Variants in TOP1MT observed in about 807,000 individuals in gnomAD.
The protein encoded by TOP1MT is DNA topoisomerase I mitochondrial.
A neutral mutation model predicts 73.9 loss-of-function variants in TOP1MT; 80 were observed. That is an observed-to-expected ratio of 1.08 (90% CI 0.90 to 1.30). TOP1MT has a LOEUF of 1.30. Ranked by LOEUF, TOP1MT falls within the 50% of genes most tolerant of loss-of-function variation. The probability of loss-of-function intolerance (pLI) is 0.00; values close to 1 mark genes in which losing one functional copy is unlikely to be tolerated. For missense variants in TOP1MT, 815 were observed against 808.0 expected (o/e 1.01, Z -0.10); for synonymous variants, 338 against 326.4 (o/e 1.04, Z -0.38).
At chr8:143,326,376 T>C in intron 3 of TOP1MT, 32 bp from the exon 4 acceptor site, 4 of 1,613,262 alleles carry the variant, frequency 2.5e-6, no homozygotes, top group Non-Finnish European at 2.5e-6. Flanking sequence ...GCTCTCACCA[T>C]GTCTGAAGGA....
At chr8:143,311,548 C>A (rs1816014748) in intron 12 of TOP1MT, among the ~76,000 whole-genome samples, 2 of 152,100 alleles carry the variant, frequency 1.3e-5, no homozygotes, top group Admixed American at 6.5e-5. Context: ...GAGATTGAGA[C>A]CATCCTGGCT....
chr8:143,323,877 C>T, intron 7 of TOP1MT, 122 bp downstream of exon 7: 1 of 1,085,362 alleles, frequency 9.2e-7, no homozygotes, highest in Non-Finnish European at 1.3e-6. Context: ...ACACACCCCC[C>T]CCATCAGAAT....
rs1228197403 is a variant in TOP1MT, at chr8:143,324,517, A to AGT, written c.783_784insAC (p.Tyr262ThrfsTer5). The AGT allele has an allele frequency of 6.2e-7, 1 of 1,613,948 alleles. No homozygotes were observed. Among genetic ancestry groups the AGT allele is most frequent in the Admixed American group, 1.7e-5 (1 of 60,028 alleles). Reference sequence around the variant, plus strand: ...TTCGAGCAAGGGTTCAGCATGATGTACTTGATGGAGTTCTGAACGCTCTCG... The same window carrying AGT: ...TTCGAGCAAGGGTTCAGCATGATGTAGTCTTGATGGAGTTCTGAACGCTCTCG... On this transcript the variant is annotated frameshift_variant, in exon 6 of 14. Transcript: ENST00000329245. LOFTEE classifies it high-confidence loss of function.
rs1416791620 is a variant in TOP1MT, at chr8:143,344,772, G to A, written c.-39+144C>T. Reference sequence around the variant, plus strand: ...AGGCTCCATGTTGTCCGTAAGTCCAGGGCCCAGCACCTAAGGGTGATTAAC... The same window carrying A: ...AGGCTCCATGTTGTCCGTAAGTCCAAGGCCCAGCACCTAAGGGTGATTAAC... On this transcript the variant is annotated intron_variant, in intron 1 of 5. Coordinates refer to the TOP1MT transcript ENST00000518007. The surrounding 1 kb of genome is among the most constrained non-coding windows in gnomAD (Gnocchi z 4.6). The A allele has an allele frequency of 2.6e-5, 4 of 152,456 alleles. No individual in the cohort carries two copies. Among genetic ancestry groups the A allele is most frequent in the Non-Finnish European group, 4.4e-5 (3 of 68,258 alleles). The allele number at this position is 152,456 out of a possible 1,614,324, so 9.4% of individuals were successfully genotyped here.
chr8:143,357,954 A>G (rs1308036963), upstream of TOP1MT, among the ~76,000 whole-genome samples: 4 of 151,656 alleles, frequency 2.6e-5, no homozygotes, highest in Non-Finnish European at 4.4e-5. Context: ...TGGGCATGGT[A>G]GCACACGCCT....
chr8:143,317,165 C>T (rs1816189002), intron 10 of TOP1MT, among the ~76,000 whole-genome samples: 3 of 152,236 alleles, frequency 2.0e-5, no homozygotes, highest in Admixed American at 2.0e-4. Context: ...ACAGTCTGTG[C>T]GTCCAATCTG....
Position 143,324,003 on chromosome 8 carries a change from TC to T in TOP1MT, c.955del (p.Asp319IlefsTer5). On this transcript the variant is annotated frameshift_variant, in exon 7 of 14. Transcript: ENST00000329245. LOFTEE classifies it high-confidence loss of function. ...GGAAGCGAGAAGGCCGCATACCTTA[TC>T]GATGAAATACAGGGCCACCGCCCGC... ...RQRAVALYFI[D>X]KLALRAGNEK... 6.2e-7 allele frequency: 1 copy of T among 1,613,622 alleles called. No individual in the cohort carries two copies. The highest frequency in any genetic ancestry group is 1.1e-5 in the South Asian group (1 of 91,076).
chr8:143,330,802 C>A (rs887066078), intron 2 of TOP1MT, among the ~76,000 whole-genome samples: 1 of 152,154 alleles, frequency 6.6e-6, no homozygotes, highest in Non-Finnish European at 1.5e-5. Context: ...GGTGGCTCAG[C>A]GCTCATGTCA....
chr8:143,339,317 T>C (rs998625541), upstream of TOP1MT, among the ~76,000 whole-genome samples: 10 of 152,250 alleles, frequency 6.6e-5, no homozygotes, highest in African/African-American at 1.7e-4. Context: ...CAGGCGTGCG[T>C]ATCACACCCC....
chr8:143,316,058 T>C lies in TOP1MT; in HGVS notation c.1399A>G (p.Asn467Asp), dbSNP rs909415280. The C allele has an allele frequency of 1.9e-6, 3 of 1,614,144 alleles. No individual in the cohort carries two copies. The highest frequency in any genetic ancestry group is 2.5e-6 in the Non-Finnish European group (3 of 1,179,994). The change falls in exon 11 of 14, where the codon AAC becomes GAC. Residue 467 changes from asparagine to aspartate, a missense_variant. Around this residue, in one of 3 missense-constraint regions of TOP1MT, gnomAD observed 751 missense variants for 725.4 expected, o/e 1.04. Transcript: ENST00000329245. ...GTACTGGGGGTTGCTCGCTGATGGT[T>C]GCAGAGAATGGCCACGACTCGGTTG... ...RANRVVAILC[N>D]HQRATPSTFE...
chr8:143,318,799 C>G (rs185589604), intron 8 of TOP1MT, among the ~76,000 whole-genome samples: 1 of 152,314 alleles, frequency 6.6e-6, no homozygotes, highest in Admixed American at 6.5e-5. Context: ...CCCCATTCTA[C>G]AAACCCACAG....
chr8:143,337,693 GGGA>G (rs773259747), upstream of TOP1MT, among the ~76,000 whole-genome samples: 3 of 152,182 alleles, frequency 2.0e-5, no homozygotes, highest in Non-Finnish European at 4.4e-5. Context: ...CCTGTAGTAA[GGGA>G]GGAGACCACC....
At chr8:143,334,005 T>C (rs1470388196) in intron 1 of TOP1MT, 1 of 152,284 alleles carries the variant, frequency 6.6e-6, no homozygotes, top group Non-Finnish European at 1.5e-5. Flanking sequence ...GGTATGCTGA[T>C]AGCGCACCAC....
At position 143,316,048 on chromosome 8, in the gene TOP1MT, C is replaced by T. The variant is rs148347677; in HGVS notation, c.1409G>A (p.Arg470Gln). The part of the protein sequence containing the change: ...RVVAILCNHQ[R>Q]ATPSTFEKSM... Reference sequence around the variant, plus strand: ...CTTCTCGAACGTACTGGGGGTTGCTCGCTGATGGTTGCAGAGAATGGCCAC... The same window carrying T: ...CTTCTCGAACGTACTGGGGGTTGCTTGCTGATGGTTGCAGAGAATGGCCAC... The change falls in exon 11 of 14, where the codon CGA (arginine) becomes CAA (glutamine). Residue 470 changes from arginine to glutamine, a missense_variant. Arg to Gln is a conservative substitution (Grantham distance 43). Transcript: ENST00000329245. The T allele has an allele frequency of 1.8e-5, 29 of 1,614,024 alleles. No homozygotes were observed. The highest frequency in any genetic ancestry group is 5.0e-5 in the Admixed American group (3 of 60,006).
At chr8:143,337,360 A>G (rs1307058254), upstream of TOP1MT, among the ~76,000 whole-genome samples, 1 of 152,146 alleles carries the variant, frequency 6.6e-6, no homozygotes, top group Non-Finnish European at 1.5e-5. Flanking sequence ...AGCCGAGATC[A>G]CGCTACTACA....
Position 143,316,138 on chromosome 8 carries a change from G to A in TOP1MT, c.1331-12C>T, listed in dbSNP as rs201506253. On this transcript the variant is annotated splice_polypyrimidine_tract_variant and intron_variant, in intron 10 of 13. Transcript: ENST00000329245. Reference sequence around the variant, plus strand: ...TATGCTGTCCTCGGCTGAGAGGCACGGGCTGTCAGAGGCAGCACCCACGGG... The same window carrying A: ...TATGCTGTCCTCGGCTGAGAGGCACAGGCTGTCAGAGGCAGCACCCACGGG... 170 of 1,613,940 alleles carry A rather than the reference G, an allele frequency of 1.1e-4. No homozygotes were observed. In the African/African-American group the frequency reaches 1.7e-3, roughly 16 times the overall value.
intron 12 of TOP1MT, among the ~76,000 whole-genome samples, chr8:143,312,855 CAAGGCAGGATTGCTTA>C (rs1471702543): frequency 6.6e-6 from 1 of 152,204 alleles, no homozygotes; most frequent in African/African-American, 2.4e-5. Context: ...TCTGGGAGGC[CAAGGCAGGATTGCTTA>C]AAGCCAGGAG....
At chr8:143,345,409 C>T (rs535891615), upstream of TOP1MT, among the ~76,000 whole-genome samples, 3 of 152,338 alleles carry the variant, frequency 2.0e-5, no homozygotes, top group East Asian at 3.9e-4. Context: ...CAGCCCGAGG[C>T]GTCTGCTGGT....
rs1563757907 is a variant in TOP1MT at position 143,321,608 on chromosome 8, ACG to A, written c.961-224_961-223del. On this transcript the variant is annotated intron_variant, in intron 7 of 13. Coordinates refer to ENST00000329245, the MANE Select transcript of TOP1MT (RefSeq NM_052963.3). ...CGCCACACGCACGCACGCCACACGC[ACG>A]CACGCCACACGCACGCCACACACAG... 7.5e-5 allele frequency among the ~76,000 whole-genome samples: 9 copies of A among 120,270 alleles called. 1 individual carries two copies. Among genetic ancestry groups the A allele is most frequent in the South Asian group, 2.8e-4 (1 of 3,572 alleles). 78.9% of individuals were successfully genotyped at this position (120,270 alleles called of 152,430 possible). A position where few individuals can be genotyped will look rare whatever the true frequency, so the allele number is the denominator to read the frequency against.
Sources: allele counts gnomAD v4.1 joint callset (sites outside exome capture counted in the v4.1 genomes callset), GRCh38; gene constraint gnomAD v4.1.1; regional missense constraint gnomAD v4.1.1; non-coding constraint Gnocchi (gnomAD v3.1); transcripts MANE v1.5; gene names NCBI Gene and HGNC (gene_info 2026-07-23, HGNC 2026-07-21).